Variants in SHISA9 observed in about 807,000 individuals in gnomAD.
The protein encoded by SHISA9 is protein shisa-9.
SHISA9 carries 13 observed loss-of-function variants against 38.0 expected under a neutral mutation model. The ratio of observed to expected loss-of-function variants is 0.34; its 90% confidence interval spans 0.22 to 0.54. The LOEUF is 0.54. Among genes scored for constraint, SHISA9 ranks in the 20% least tolerant of loss-of-function variants. The probability of loss-of-function intolerance (pLI) is 0.91; values close to 1 mark genes in which losing one functional copy is unlikely to be tolerated. For missense variants in SHISA9, 538 were observed against 575.8 expected, an observed-to-expected ratio of 0.93 and a Z score of 0.67; for synonymous variants, 275 against 242.0, an observed-to-expected ratio of 1.14 and a Z score of -1.27.
chr16:13,521,252 T>C, the SHISA9 span, among the ~76,000 whole-genome samples: 5 of 152,246 alleles, frequency 3.3e-5, no homozygotes, highest in Non-Finnish European at 5.9e-5. Context: ...TTGAATCTTC[T>C]TCCCTGCTCA....
At chr16:13,122,237 G>T (rs996656316) in intron 2 of SHISA9, among the ~76,000 whole-genome samples, 14 of 152,332 alleles carry the variant, frequency 9.2e-5, no homozygotes, top group Middle Eastern at 3.4e-3. Flanking sequence ...GCAGTTGTCA[G>T]TCACTGCCGA....
At chr16:12,910,695 T>C in intron 1 of SHISA9, 1 of 985,470 alleles carries the variant, frequency 1.0e-6, no homozygotes, top group Non-Finnish European at 1.2e-6. Flanking sequence ...TGGAAGGCTA[T>C]CAAGAAAAAG....
chr16:13,240,789 G>T (rs914133766), downstream of SHISA9, among the ~76,000 whole-genome samples: 2 of 152,166 alleles, frequency 1.3e-5, no homozygotes, highest in African/African-American at 4.8e-5. Context: ...TGAAAGGATG[G>T]AAGATTCGAT....
chr16:13,105,217 T>C (rs182195490), intron 2 of SHISA9, among the ~76,000 whole-genome samples: 4 of 152,334 alleles, frequency 2.6e-5, no homozygotes, highest in South Asian at 2.1e-4. Flanking sequence ...AAATGTACCA[T>C]AGGAGTATAC....
Position 12,902,088 on chromosome 16 carries a change from C to G in SHISA9, c.24C>G (p.Leu8=). The G allele has an allele frequency of 6.7e-7, 1 of 1,493,926 alleles. No homozygotes were observed. Among genetic ancestry groups the G allele is most frequent in the South Asian group, 1.3e-5 (1 of 79,834 alleles). The allele number at this position is 1,493,926 out of a possible 1,614,324, so 92.5% of individuals were successfully genotyped here. MRRVLRL[L]LGCFLTELCA... is the part of the protein sequence containing the mutation. ...CCATGCGCCGCGTCCTTCGGCTGCT[C>G]CTCGGTTGCTTCCTCACCGAGCTGT... Residue 8 remains leucine (L), a synonymous_variant, in exon 1 of 5, where the codon CTC becomes CTG. Transcript: ENST00000558583.
intron 2 of SHISA9, among the ~76,000 whole-genome samples, chr16:13,152,401 A>C (rs2050507306): frequency 6.6e-6 from 1 of 152,238 alleles, no homozygotes. Flanking sequence ...AAGAGAAACT[A>C]ACTTTGGATG....
At chr16:12,961,364 G>A (rs1217243937) in intron 2 of SHISA9, among the ~76,000 whole-genome samples, 1 of 152,142 alleles carries the variant, frequency 6.6e-6, no homozygotes, top group Non-Finnish European at 1.5e-5. Flanking sequence ...TTTTCTTGAC[G>A]GCAATGGAGA....
chr16:13,144,913 G>C (rs1185123440), intron 2 of SHISA9, among the ~76,000 whole-genome samples: 1 of 152,186 alleles, frequency 6.6e-6, no homozygotes, highest in Non-Finnish European at 1.5e-5. Context: ...AGAGAAGGAG[G>C]GAGGTTAGGC....
chr16:13,369,329 A>T, the SHISA9 span, among the ~76,000 whole-genome samples: 1 of 152,148 alleles, frequency 6.6e-6, no homozygotes, highest in Admixed American at 6.6e-5. Context: ...TTCTGAACAA[A>T]ACATTAACAT....
intron 2 of SHISA9, chr16:13,197,614 G>A (rs553553772): frequency 6.6e-6 from 1 of 152,312 alleles, no homozygotes; most frequent in South Asian, 2.1e-4. Flanking sequence ...TTAGGAAGGA[G>A]AGCACAGGAC....
At chr16:13,015,858 C>CTTTGTTTG (rs879889298) in intron 2 of SHISA9, among the ~76,000 whole-genome samples, 102 of 59,746 alleles carry the variant, frequency 1.7e-3, no homozygotes, top group Admixed American at 3.2e-3. Context: ...CTTTCCCTTT[C>CTTTGTTTG]TTTCTTTCTT....
chr16:13,072,917 T>TC (rs1259769363), intron 2 of SHISA9, among the ~76,000 whole-genome samples: 1 of 152,190 alleles, frequency 6.6e-6, no homozygotes, highest in African/African-American at 2.4e-5. Context: ...CACCTCGGCC[T>TC]CCCAAATTGC....
intron 4 of SHISA9, among the ~76,000 whole-genome samples, chr16:13,218,330 A>C (rs562049768): frequency 7.0e-4 from 106 of 152,190 alleles, no homozygotes; most frequent in Non-Finnish European, 1.1e-3. Flanking sequence ...CTCCTGGGTG[A>C]TTCTTATGTA....
At chr16:13,319,887 A>G in the SHISA9 span, among the ~76,000 whole-genome samples, 2 of 152,006 alleles carry the variant, frequency 1.3e-5, no homozygotes, top group South Asian at 2.1e-4. Flanking sequence ...TTGGTTTTAC[A>G]TTTGTTTTGA....
chr16:13,367,126 A>G, the SHISA9 span, among the ~76,000 whole-genome samples: 2 of 151,864 alleles, frequency 1.3e-5, no homozygotes, highest in African/African-American at 4.8e-5. Context: ...AATTAGCAAA[A>G]CTTAAACTCA....
At chr16:13,078,606 A>G (rs2073611608) in intron 2 of SHISA9, among the ~76,000 whole-genome samples, 1 of 152,048 alleles carries the variant, frequency 6.6e-6, no homozygotes, top group Non-Finnish European at 1.5e-5. Context: ...GAGTTTTGCC[A>G]TGTTGACCAA....
At chr16:13,501,276 C>G in the SHISA9 span, among the ~76,000 whole-genome samples, 2 of 152,020 alleles carry the variant, frequency 1.3e-5, no homozygotes, top group Non-Finnish European at 2.9e-5. Context: ...ACACCCCCTA[C>G]GACAAAGAAT....
At chr16:13,081,801 A>G in intron 2 of SHISA9, among the ~76,000 whole-genome samples, 1 of 151,726 alleles carries the variant, frequency 6.6e-6, no homozygotes, top group Non-Finnish European at 1.5e-5. Context: ...GCAGTGAGGC[A>G]AGATTGCGCC....
the SHISA9 span, among the ~76,000 whole-genome samples, chr16:13,494,443 A>C: frequency 1.3e-5 from 2 of 152,224 alleles, no homozygotes; most frequent in East Asian, 3.8e-4. Flanking sequence ...TTTAAAAAGA[A>C]GGAAAAAATT....
Sources: gnomAD v4.1 joint callset for allele counts (sites outside exome capture counted in the v4.1 genomes callset) on GRCh38, gnomAD v4.1.1 for gene constraint, MANE v1.5 for transcripts, NCBI Gene and HGNC (gene_info 2026-07-23, HGNC 2026-07-21) for gene names.